RORB: variants seen among roughly 807,000 people sequenced by gnomAD.
RORB encodes the protein nuclear receptor ROR-beta.
RORB carries 6 observed loss-of-function variants against 59.1 expected under a neutral mutation model. The ratio of observed to expected loss-of-function variants is 0.10; its 90% confidence interval spans 0.06 to 0.20. The LOEUF is 0.20. RORB is among the 10% of genes least tolerant of loss of function. The probability of loss-of-function intolerance (pLI) is 1.00; values close to 1 mark genes in which losing one functional copy is unlikely to be tolerated. For missense variants in RORB, 320 were observed against 560.5 expected, an observed-to-expected ratio of 0.57 and a Z score of 4.33; for synonymous variants, 215 against 204.5, an observed-to-expected ratio of 1.05 and a Z score of -0.44.
chr9:74,557,705 G>C (rs903008604), intron 1 of RORB, among the ~76,000 whole-genome samples: 1 of 152,036 alleles, frequency 6.6e-6, no homozygotes, highest in Non-Finnish European at 1.5e-5. Flanking sequence ...CGTAACGGCC[G>C]AGGACTCTTT....
chr9:74,669,670 C>T (rs557216044), intron 8 of RORB, among the ~76,000 whole-genome samples: 59 of 152,172 alleles, frequency 3.9e-4, no homozygotes, highest in Admixed American at 7.9e-4. Context: ...CAGGTCTCTA[C>T]AGAAAGAAAA....
chr9:74,660,983 G>A (rs957900868), intron 5 of RORB, among the ~76,000 whole-genome samples: 12 of 152,170 alleles, frequency 7.9e-5, no homozygotes. Flanking sequence ...AAACTACCCT[G>A]ATTGAAAAAC....
intron 1 of RORB, among the ~76,000 whole-genome samples, chr9:74,617,091 C>T (rs907944182): frequency 1.3e-5 from 2 of 151,500 alleles, no homozygotes; most frequent in African/African-American, 4.9e-5. Flanking sequence ...CCACCCGCTC[C>T]CCCCGCAAAA....
intron 1 of RORB, among the ~76,000 whole-genome samples, chr9:74,612,975 C>T (rs1304501259): frequency 3.3e-5 from 5 of 152,146 alleles, no homozygotes; most frequent in Admixed American, 1.3e-4. Flanking sequence ...ACAATCAAAT[C>T]GGATTAAATC....
chr9:74,585,091 C>G (rs932046186), intron 1 of RORB, among the ~76,000 whole-genome samples: 1 of 152,222 alleles, frequency 6.6e-6, no homozygotes, highest in Non-Finnish European at 1.5e-5. Context: ...TATACCCACA[C>G]TAAGTATTGC....
intron 1 of RORB, among the ~76,000 whole-genome samples, chr9:74,612,900 T>TA (rs1264926399): frequency 6.6e-6 from 1 of 152,214 alleles, no homozygotes; most frequent in Non-Finnish European, 1.5e-5. Context: ...CCTCATTACC[T>TA]ACAGATCTTC....
At chr9:74,573,494 A>T (rs1022700384) in intron 1 of RORB, among the ~76,000 whole-genome samples, 9 of 151,598 alleles carry the variant, frequency 5.9e-5, no homozygotes, top group African/African-American at 1.9e-4. Context: ...AACTGGGCCT[A>T]ATGATTGCAG....
intron 1 of RORB, among the ~76,000 whole-genome samples, chr9:74,588,792 A>G (rs1822845411): frequency 6.6e-6 from 1 of 152,184 alleles, no homozygotes; most frequent in South Asian, 2.1e-4. Flanking sequence ...ACCTTTTTGT[A>G]TGGGTACAAA....
intron 9 of RORB, among the ~76,000 whole-genome samples, chr9:74,678,386 T>C (rs1197532961): frequency 6.6e-6 from 1 of 152,212 alleles, no homozygotes; most frequent in Non-Finnish European, 1.5e-5. Context: ...TTCACTAACT[T>C]CTTAATTCCT....
At position 74,686,033 on chromosome 9, in the gene RORB, G is replaced by A. The variant is rs1042728837; in HGVS notation, c.*415G>A. On this transcript the variant is annotated 3_prime_UTR_variant, in exon 10 of 10. Transcript: ENST00000376896. ...AGGCTTACCTATTTCTATGTTTTTA[G>A]GTAGTTGATGCATGTGTAAATTTGT... 4 of 153,508 alleles carry A rather than the reference G, an allele frequency of 2.6e-5. No individual in the cohort carries two copies. Among genetic ancestry groups the A allele is most frequent in the African/African-American group, 9.7e-5 (4 of 41,444 alleles). 9.5% of individuals were successfully genotyped at this position (153,508 alleles called of 1,614,324 possible).
intron 4 of RORB, among the ~76,000 whole-genome samples, chr9:74,647,984 A>C (rs551221491): frequency 6.6e-6 from 1 of 152,352 alleles, no homozygotes; most frequent in African/African-American, 2.4e-5. Context: ...CTACCCATGC[A>C]GAAATGGTGC....
chr9:74,671,030 T>C (rs1053831013), intron 8 of RORB, among the ~76,000 whole-genome samples: 4 of 152,084 alleles, frequency 2.6e-5, no homozygotes, highest in Admixed American at 2.0e-4. Flanking sequence ...AAGGCATTGA[T>C]GCTGGGCTGA....
chr9:74,593,189 G>A (rs1377191880), intron 1 of RORB, among the ~76,000 whole-genome samples: 2 of 152,046 alleles, frequency 1.3e-5, no homozygotes, highest in Admixed American at 6.6e-5. Flanking sequence ...GGAAGAGGCC[G>A]GGCGCGGTGG....
intron 1 of RORB, among the ~76,000 whole-genome samples, chr9:74,605,006 T>G (rs909776931): frequency 3.3e-5 from 5 of 152,226 alleles, no homozygotes; most frequent in Non-Finnish European, 7.3e-5. Context: ...TAAAGTATGG[T>G]AAGCCCCCAA....
chr9:74,593,913 G>A (rs1822936559), intron 1 of RORB, among the ~76,000 whole-genome samples: 2 of 152,106 alleles, frequency 1.3e-5, no homozygotes, highest in African/African-American at 4.8e-5. Flanking sequence ...CAGTGCAATG[G>A]GTTCTGAAAA....
chr9:74,605,710 A>G (rs2118338229), intron 1 of RORB, among the ~76,000 whole-genome samples: 1 of 152,322 alleles, frequency 6.6e-6, no homozygotes, highest in South Asian at 2.1e-4. Flanking sequence ...AATGCTCTAA[A>G]TATCACTCAC....
intron 4 of RORB, among the ~76,000 whole-genome samples, chr9:74,656,704 C>G (rs1824088400): frequency 6.6e-6 from 1 of 152,088 alleles, no homozygotes; most frequent in Admixed American, 6.6e-5. Flanking sequence ...CCACTGCACT[C>G]CAGCCTGGGC....
chr9:74,556,820 G>A (rs1263236603), intron 1 of RORB, among the ~76,000 whole-genome samples: 1 of 152,114 alleles, frequency 6.6e-6, no homozygotes, highest in Non-Finnish European at 1.5e-5. Context: ...GCTGAATGGG[G>A]CCATAGAAAT....
chr9:74,682,556 A>G (rs1267268089), intron 9 of RORB, among the ~76,000 whole-genome samples: 4 of 152,184 alleles, frequency 2.6e-5, no homozygotes, highest in African/African-American at 4.8e-5. Flanking sequence ...TTCTTTATCA[A>G]TAGACTAATC....
Sources: allele counts gnomAD v4.1 joint callset (sites outside exome capture counted in the v4.1 genomes callset), GRCh38; gene constraint gnomAD v4.1.1; transcripts MANE v1.5; gene names NCBI Gene and HGNC (gene_info 2026-07-23, HGNC 2026-07-21).